The following ALK variants were observed in gnomAD, a reference collection of about 807,000 sequenced individuals.
ALK encodes the protein ALK receptor tyrosine kinase.
ALK carries 74 observed loss-of-function variants against 163.1 expected under a neutral mutation model. The observed-to-expected ratio is 0.45, with a 90% CI of 0.38 to 0.55. The LOEUF (loss-of-function observed/expected upper bound fraction) is 0.55. Ranked by LOEUF, ALK falls within the 20% of genes least tolerant of loss-of-function variation. The probability of loss-of-function intolerance (pLI) is 0.00; values close to 1 mark genes in which losing one functional copy is unlikely to be tolerated. For missense variants in ALK, 2,063 were observed against 2,105.3 expected, an observed-to-expected ratio of 0.98 and a Z score of 0.39; for synonymous variants, 960 against 843.2, an observed-to-expected ratio of 1.14 and a Z score of -2.40.
chr2:29,342,875 A>G (rs1442026084), intron 5 of ALK, among the ~76,000 whole-genome samples: 1 of 112,836 alleles, frequency 8.9e-6, no homozygotes, highest in African/African-American at 3.3e-5. Flanking sequence ...GTGCTCAGTG[A>G]TCTTTTTTTT....
chr2:29,446,885 G>A (rs1670698408), intron 4 of ALK, among the ~76,000 whole-genome samples: 1 of 152,160 alleles, frequency 6.6e-6, no homozygotes, highest in Admixed American at 6.5e-5. Flanking sequence ...CAGATGCTGG[G>A]GAAGCTAGAG....
chr2:29,898,803 A>G (rs1448561347), intron 1 of ALK, among the ~76,000 whole-genome samples: 3 of 152,214 alleles, frequency 2.0e-5, no homozygotes, highest in Non-Finnish European at 4.4e-5. Context: ...GTTTACAGTG[A>G]GGAAGAAGAG....
At chr2:29,252,534 C>T (rs1664844177) in intron 11 of ALK, among the ~76,000 whole-genome samples, 1 of 152,178 alleles carries the variant, frequency 6.6e-6, no homozygotes, top group East Asian at 1.9e-4. Context: ...TAGATTGAGA[C>T]TGCCATGGGC....
chr2:29,790,029 A>G (rs946674598), intron 1 of ALK, among the ~76,000 whole-genome samples: 4 of 152,198 alleles, frequency 2.6e-5, no homozygotes, highest in African/African-American at 9.7e-5. Flanking sequence ...TTCTCTTTGC[A>G]TAATTCAATT....
At chr2:29,757,436 C>T (rs1049972933) in intron 1 of ALK, among the ~76,000 whole-genome samples, 2 of 152,186 alleles carry the variant, frequency 1.3e-5, no homozygotes, top group Non-Finnish European at 2.9e-5. Flanking sequence ...TGATCCAGAG[C>T]TCATACTCCT....
chr2:29,209,355 A>G (rs561206171), intron 25 of ALK, among the ~76,000 whole-genome samples: 22 of 152,182 alleles, frequency 1.4e-4, no homozygotes, highest in Non-Finnish European at 2.5e-4. Context: ...AGCCTGACCA[A>G]CATGGAGAAA....
rs2148137728 is a variant in ALK at position 29,193,466 on chromosome 2, C to G, written c.4621G>C (p.Val1541Leu). 6.2e-7 allele frequency: 1 copy of G among 1,614,130 alleles called. No individual in the cohort carries two copies. The change falls in exon 29 of 29, where the codon GTC becomes CTC. Residue 1541 changes from valine (V) to leucine (L), a missense_variant. Val to Leu is a conservative substitution (Grantham distance 32, BLOSUM62 1). This residue lies in a region of ALK where 403 missense variants were observed against 366.2 expected (regional missense o/e 1.10). Transcript: ENST00000389048. ...GNLGLEGSCT[V>L]PPNVATGRLP... is the part of the protein sequence containing the mutation. The stretch of plus-strand genomic sequence containing the variant: ...CTCCCAGTTGCAACGTTAGGTGGGA[C>G]AGTACAGCTTCCCTCCAGCCCCAGG...
rs180743944 is a variant in ALK, at chr2:29,306,053, C to G, written c.1648-8996G>C. Among the ~76,000 whole-genome samples the G allele has an allele frequency of 6.6e-5, 10 of 151,702 alleles. No individual in the cohort carries two copies. In the East Asian group the frequency reaches 2.0e-3, roughly 30 times the overall value. On this transcript the variant is annotated intron_variant, in intron 8 of 28. Coordinates refer to ENST00000389048, the MANE Select transcript of ALK (RefSeq NM_004304.5). The stretch of plus-strand genomic sequence containing the variant: ...TGCCACTCACCTCCTGCTGTGTGGC[C>G]TGGTTCCTAATAGGCCACAGAGCAG...
At chr2:29,853,071 C>T (rs1198766664) in intron 1 of ALK, among the ~76,000 whole-genome samples, 1 of 152,132 alleles carries the variant, frequency 6.6e-6, no homozygotes, top group Non-Finnish European at 1.5e-5. Context: ...AAGATAACAG[C>T]TATAACCAAA....
At chr2:29,807,832 C>T (rs372045345) in intron 1 of ALK, among the ~76,000 whole-genome samples, 1 of 152,180 alleles carries the variant, frequency 6.6e-6, no homozygotes, top group African/African-American at 2.4e-5. Flanking sequence ...TTCCATAACA[C>T]AGGCATGGAT....
chr2:29,720,613 A>T (rs991608179), intron 1 of ALK, among the ~76,000 whole-genome samples: 4 of 152,226 alleles, frequency 2.6e-5, no homozygotes, highest in Non-Finnish European at 5.9e-5. Flanking sequence ...GTTTTCCAAA[A>T]TCGGAAGCAT....
At chr2:29,876,126 T>C (rs1666698706) in intron 1 of ALK, among the ~76,000 whole-genome samples, 1 of 152,254 alleles carries the variant, frequency 6.6e-6, no homozygotes, top group African/African-American at 2.4e-5. Context: ...CATGGGCAGC[T>C]TACTTTATGT....
chr2:29,489,479 C>T (rs13016880), intron 4 of ALK, among the ~76,000 whole-genome samples: 36,864 of 151,944 alleles, frequency 0.24, 4,746 homozygotes, highest in East Asian at 0.33. Context: ...TTTAATTTTT[C>T]TGTAGAGCCA....
chr2:29,874,036 A>G (rs898194528), intron 1 of ALK, among the ~76,000 whole-genome samples: 1 of 152,064 alleles, frequency 6.6e-6, no homozygotes, highest in African/African-American at 2.4e-5. Flanking sequence ...GACCTCCCCA[A>G]CCCTAAGCAG....
chr2:29,677,400 T>C (rs1677916404), intron 3 of ALK, among the ~76,000 whole-genome samples: 1 of 151,912 alleles, frequency 6.6e-6, no homozygotes. Context: ...ATTATTATGT[T>C]GTTTGTTAGG....
chr2:29,543,163 C>G (rs1673459780), intron 3 of ALK, among the ~76,000 whole-genome samples: 1 of 152,054 alleles, frequency 6.6e-6, no homozygotes. Flanking sequence ...CAGAAATGAA[C>G]AGAGGCTTGG....
chr2:29,597,751 A>C (rs956513570), intron 3 of ALK, among the ~76,000 whole-genome samples: 2 of 152,236 alleles, frequency 1.3e-5, no homozygotes, highest in Admixed American at 1.3e-4. Flanking sequence ...AAAACCTTGA[A>C]GACTCCTGGA....
rs570734344 is a variant in ALK at position 29,802,972 on chromosome 2, C to G, written c.668-85275G>C. 4.6e-5 allele frequency among the ~76,000 whole-genome samples: 7 copies of G among 152,006 alleles called. No homozygotes were observed. The South Asian group carries it at 8.3e-4, about 18-fold the overall frequency. ...TGTTTCTTGGAAAAATGCAAATAAC[C>G]TAAATGGGATTTTAAAAAAATAACA... On this transcript the variant is annotated intron_variant, in intron 1 of 28. Coordinates refer to ENST00000389048, the MANE Select transcript of ALK (RefSeq NM_004304.5).
rs560821635 is a variant in ALK at position 29,616,358 on chromosome 2, G to A, written c.952+78492C>T. The stretch of plus-strand genomic sequence containing the variant: ...GAGGAAAAGGGCAGAGCCACCAGAC[G>A]TGTTTGCTAAAACAAACCCTCAAAT... On this transcript the variant is annotated intron_variant, in intron 3 of 28. Coordinates refer to ENST00000389048, the MANE Select transcript of ALK (RefSeq NM_004304.5). Among the ~76,000 whole-genome samples, 8 of 152,288 alleles carry A rather than the reference G, an allele frequency of 5.3e-5. No individual in the cohort carries two copies. The South Asian group carries it at 1.2e-3, about 24-fold the overall frequency.
Sources: gnomAD v4.1 joint callset for allele counts (sites outside exome capture counted in the v4.1 genomes callset) on GRCh38, gnomAD v4.1.1 for gene constraint, gnomAD v4.1.1 regional missense constraint, MANE v1.5 for transcripts, NCBI Gene and HGNC (gene_info 2026-07-23, HGNC 2026-07-21) for gene names.